Variants in CAV1 observed in about 807,000 individuals in gnomAD.
The protein encoded by CAV1 is caveolin-1.
CAV1 carries 10 observed loss-of-function variants against 16.5 expected under a neutral mutation model. The ratio of observed to expected loss-of-function variants is 0.61; its 90% CI spans 0.37 to 1.03. The LOEUF (loss-of-function observed/expected upper bound fraction) is 1.03, where lower values mean the gene tolerates loss of function less well. Among genes scored for constraint, CAV1 ranks in the 50% least tolerant of loss-of-function variants. The pLI is 0.01. For missense variants in CAV1, 212 were observed against 232.8 expected, an observed-to-expected ratio of 0.91 and a Z score of 0.58; for synonymous variants, 76 against 85.1, an observed-to-expected ratio of 0.89 and a Z score of 0.59.
chr7:116,555,191 C>T (rs1794233646), intron 2 of CAV1, among the ~76,000 whole-genome samples: 2 of 151,930 alleles, frequency 1.3e-5, no homozygotes, highest in African/African-American at 2.4e-5. Context: ...GTCTGTAATC[C>T]CAACACTTTG....
In CAV1 at chr7:116,547,937, C is replaced by T. The variant is rs143095941; in HGVS notation, c.196-11009C>T. ...GAGATAACCCTGATGAGCAGAGATT[C>T]GAACCCAGCCTCCATGCTATTAACC... On this transcript the variant is annotated intron_variant, in intron 2 of 2. Coordinates refer to ENST00000341049, the MANE Select transcript of CAV1 (RefSeq NM_001753.5). Among the ~76,000 whole-genome samples, 27 of 152,326 alleles carry T rather than the reference C, an allele frequency of 1.8e-4. No homozygotes were observed. The South Asian group carries it at 4.8e-3, about 27-fold the overall frequency.
chr7:116,550,626 A>C (rs981683816), intron 2 of CAV1, among the ~76,000 whole-genome samples: 1 of 152,200 alleles, frequency 6.6e-6, no homozygotes, highest in Non-Finnish European at 1.5e-5. Flanking sequence ...CTCACACACA[A>C]CATTTATTCC....
rs963535094 is a variant in CAV1 at position 116,545,284 on chromosome 7, C to G, written c.196-13662C>G. 6.6e-5 allele frequency among the ~76,000 whole-genome samples: 10 copies of G among 152,160 alleles called. No individual in the cohort carries two copies. In the East Asian group the frequency reaches 1.9e-3, roughly 29 times the overall value. ...ATCCTACAGTGCACAGGACAGTACC[C>G]CCACCCACACTCCAGTAATGAAGAA... On this transcript the variant is annotated intron_variant, in intron 2 of 2. Transcript: ENST00000341049.
chr7:116,559,227 C>G lies in CAV1; in HGVS notation c.477C>G (p.Leu159=). 1 of 1,613,944 alleles carries G rather than the reference C, an allele frequency of 6.2e-7. No individual in the cohort carries two copies. Among genetic ancestry groups the G allele is most frequent in the South Asian group, 1.1e-5 (1 of 91,076 alleles). The change falls in exon 3 of 3, where the codon CTC becomes CTG. Residue 159 remains leucine (L), a synonymous_variant. Coordinates refer to ENST00000341049, the MANE Select transcript of CAV1 (RefSeq NM_001753.5). ...ACGTCCACACCGTCTGTGACCCACT[C>G]TTTGAAGCTGTTGGGAAAATATTCA... ...SIYVHTVCDP[L]FEAVGKIFSN...
chr7:116,560,226 T>C lies in CAV1; in HGVS notation c.*939T>C. Reference sequence around the variant, plus strand: ...GGCTGGCAGTCCTGGAAGCCAGCTTTCCCTGCCTCTCATCAACTGAATGAG... The same window carrying C: ...GGCTGGCAGTCCTGGAAGCCAGCTTCCCCTGCCTCTCATCAACTGAATGAG... On this transcript the variant is annotated 3_prime_UTR_variant, in exon 3 of 3. Transcript: ENST00000341049. 5.5e-6 allele frequency: 1 copy of C among 180,978 alleles called. No homozygotes were observed. 11.2% of individuals were successfully genotyped at this position (180,978 alleles called of 1,614,324 possible). A position where few individuals can be genotyped will look rare whatever the true frequency, so the allele number is the denominator to read the frequency against.
chr7:116,556,763 A>G (rs1227103368), intron 2 of CAV1, among the ~76,000 whole-genome samples: 1 of 139,730 alleles, frequency 7.2e-6, no homozygotes, highest in Non-Finnish European at 1.5e-5. Flanking sequence ...AATAAAGGTG[A>G]TGGATCATTT....
At chr7:116,555,488 G>GGAAGGAAGGAAGGAAGAAAGA (rs1584784981) in intron 2 of CAV1, among the ~76,000 whole-genome samples, 2 of 5,040 alleles carry the variant, frequency 4.0e-4, no homozygotes, top group East Asian at 0.033. Context: ...GGAAAGAAAA[G>GGAAGGAAGGAAGGAAGAAAGA]AAAGAAAGAA....
chr7:116,558,454 A>C (rs1459212570), intron 2 of CAV1, among the ~76,000 whole-genome samples: 1 of 152,090 alleles, frequency 6.6e-6, no homozygotes. Context: ...GGGAACCCAA[A>C]TATCTGTGTT....
At chr7:116,555,578 A>AGGG (rs1794270900) in intron 2 of CAV1, among the ~76,000 whole-genome samples, 4 of 100,396 alleles carry the variant, frequency 4.0e-5, no homozygotes, top group African/African-American at 1.3e-4. Context: ...GAAAGAAAGA[A>AGGG]AGAAAGAAAG....
chr7:116,536,659 T>G (rs1208610774), intron 2 of CAV1, among the ~76,000 whole-genome samples: 1 of 152,128 alleles, frequency 6.6e-6, no homozygotes, highest in African/African-American at 2.4e-5. Context: ...AGCAAAGGCA[T>G]TTGTCTCTTT....
chr7:116,550,639 T>C (rs3815412), intron 2 of CAV1, among the ~76,000 whole-genome samples: 43,132 of 152,134 alleles, frequency 0.28, 6,468 homozygotes, highest in African/African-American at 0.38. Context: ...TTTATTCCAC[T>C]GACTTCAAAG....
intron 2 of CAV1, among the ~76,000 whole-genome samples, chr7:116,556,703 T>A (rs1794300959): frequency 6.6e-6 from 1 of 152,204 alleles, no homozygotes; most frequent in African/African-American, 2.4e-5. Context: ...AGGAATCCTC[T>A]GCTCCCGGTA....
intron 2 of CAV1, among the ~76,000 whole-genome samples, chr7:116,557,900 C>T (rs890780128): frequency 1.3e-5 from 2 of 152,150 alleles, no homozygotes; most frequent in African/African-American, 2.4e-5. Flanking sequence ...TCCATAGACC[C>T]CACTGTCTGT....
intron 2 of CAV1, among the ~76,000 whole-genome samples, chr7:116,545,883 A>C (rs1456006587): frequency 1.3e-5 from 2 of 152,264 alleles, no homozygotes; most frequent in Admixed American, 1.3e-4. Flanking sequence ...GTGTAAACAC[A>C]GAATTTAGCG....
At chr7:116,540,180 C>A (rs1793907944) in intron 2 of CAV1, among the ~76,000 whole-genome samples, 1 of 152,158 alleles carries the variant, frequency 6.6e-6, no homozygotes, top group Non-Finnish European at 1.5e-5. Context: ...ACAGAAATTT[C>A]TCTTTGCCTC....
chr7:116,543,686 A>G (rs965348618), intron 2 of CAV1, among the ~76,000 whole-genome samples: 1 of 152,184 alleles, frequency 6.6e-6, no homozygotes, highest in African/African-American at 2.4e-5. Context: ...ATGACAGAGA[A>G]GTGCATAATT....
chr7:116,525,970 C>A (rs984467768), intron 1 of CAV1: 12 of 354,100 alleles, frequency 3.4e-5, no homozygotes, highest in Non-Finnish European at 4.8e-5. Flanking sequence ...GAGGGGGATG[C>A]GGCCAAGAAG....
chr7:116,539,816 G>A (rs140715074), intron 2 of CAV1, among the ~76,000 whole-genome samples: 1 of 152,268 alleles, frequency 6.6e-6, no homozygotes, highest in African/African-American at 2.4e-5. Context: ...TTCCCAGAAT[G>A]CCAAAATATA....
At chr7:116,543,233 A>G (rs1033101361) in intron 2 of CAV1, among the ~76,000 whole-genome samples, 12 of 152,220 alleles carry the variant, frequency 7.9e-5, no homozygotes, top group African/African-American at 2.9e-4. Flanking sequence ...GTATTCATAC[A>G]AGAGTTGAAG....
Sources: gnomAD v4.1 joint callset for allele counts (sites outside exome capture counted in the v4.1 genomes callset) on GRCh38, gnomAD v4.1.1 for gene constraint, MANE v1.5 for transcripts, NCBI Gene and HGNC (gene_info 2026-07-23, HGNC 2026-07-21) for gene names.